Variants in CASP9 observed in about 807,000 individuals in gnomAD.
CASP9 encodes caspase-9.
In CASP9, 29 loss-of-function variants were observed where a neutral mutation model predicts 43.5. That is an observed-to-expected ratio of 0.67 (90% confidence interval 0.50 to 0.91). The LOEUF (loss-of-function observed/expected upper bound fraction) is 0.91, where lower values mean the gene tolerates loss of function less well. Among genes scored for constraint, CASP9 ranks in the 40% least tolerant of loss-of-function variants. The pLI, the probability that CASP9 is intolerant of heterozygous loss-of-function variation, is 0.00. For missense variants in CASP9, 575 were observed against 537.4 expected, an observed-to-expected ratio of 1.07 and a Z score of -0.69; for synonymous variants, 206 against 211.9, an observed-to-expected ratio of 0.97 and a Z score of 0.24.
intron 3 of CASP9, among the ~76,000 whole-genome samples, chr1:15,507,479 A>G (rs1709570188): frequency 1.3e-5 from 2 of 152,186 alleles, no homozygotes; most frequent in Non-Finnish European, 2.9e-5. Context: ...GATGGTACTT[A>G]TCACTATTTC....
chr1:15,521,609 C>A (rs1276107102), intron 1 of CASP9, among the ~76,000 whole-genome samples: 2 of 152,192 alleles, frequency 1.3e-5, no homozygotes, highest in African/African-American at 4.8e-5. Flanking sequence ...GGAAGGGCCC[C>A]CTGTCCTATG....
At chr1:15,518,081 C>T (rs768063493) in intron 2 of CASP9, 29 bp downstream of exon 2, 3 of 1,609,860 alleles carry the variant, frequency 1.9e-6, no homozygotes, top group East Asian at 2.2e-5. Flanking sequence ...GTGTCATGCC[C>T]ACCCACCAAT....
At chr1:15,524,592 C>CTGACCTCACGTCAT, upstream of CASP9, 3 of 993,128 alleles carry the variant, frequency 3.0e-6, no homozygotes, top group Non-Finnish European at 3.6e-6. Flanking sequence ...CCTCACGTCA[C>CTGACCTCACGTCAT]CGCCCCGCCC....
At position 15,492,821 on chromosome 1, in the gene CASP9, A is replaced by G; in HGVS notation, c.*122T>C. 7.4e-7 allele frequency: 1 copy of G among 1,360,406 alleles called. No individual in the cohort carries two copies. The highest frequency in any genetic ancestry group is 1.0e-6 in the Non-Finnish European group (1 of 999,332). The allele number at this position is 1,360,406 out of a possible 1,614,324, so 84.3% of individuals were successfully genotyped here. ...GCCTGTCTGTCACTGGCAGAGAAAG[A>G]GCAGACCCTGTGCCGGCTGCAAAGT... is the stretch of plus-strand genomic sequence containing the variant. On this transcript the variant is annotated 3_prime_UTR_variant, in exon 9 of 9. Coordinates refer to ENST00000333868, the MANE Select transcript of CASP9 (RefSeq NM_001229.5).
rs146711653 is a variant in CASP9, at chr1:15,494,396, G to A, written c.1049-395C>T. 6.1e-4 allele frequency among the ~76,000 whole-genome samples: 93 copies of A among 151,934 alleles called. No individual in the cohort carries two copies. In the East Asian group the frequency reaches 0.017, roughly 28 times the overall value. Reference sequence around the variant, plus strand: ...CCTGGCCAACATGGTGAAACCCTGTGTCTACTAAAAATACAAAAATTAGCT... The same window carrying A: ...CCTGGCCAACATGGTGAAACCCTGTATCTACTAAAAATACAAAAATTAGCT... On this transcript the variant is annotated intron_variant, in intron 7 of 8. Transcript: ENST00000333868.
At chr1:15,523,956 G>C in intron 1 of CASP9, 113 bp downstream of exon 1, 1 of 735,782 alleles carries the variant, frequency 1.4e-6, no homozygotes, top group Non-Finnish European at 2.1e-6. Context: ...GGGATTCTTT[G>C]GCTCCGCTGA....
rs118162203 is a variant in CASP9 at position 15,494,903 on chromosome 1, C to T, written c.1048+370G>A. Among the ~76,000 whole-genome samples the T allele has an allele frequency of 5.2e-4, 78 of 150,346 alleles. 4 individuals carry two copies. The East Asian group carries it at 0.015, about 29-fold the overall frequency. On this transcript the variant is annotated intron_variant, in intron 7 of 8. Coordinates refer to ENST00000333868, the MANE Select transcript of CASP9 (RefSeq NM_001229.5). ...AAAAAAAAAGAAGGAAGGAAACTAC[C>T]GCTTGCTGCAACTACTACGTGCCCC...
intron 4 of CASP9, 107 bp downstream of exon 4, chr1:15,506,792 G>C: frequency 1.1e-6 from 1 of 934,092 alleles, no homozygotes; most frequent in South Asian, 1.6e-5. Context: ...TGGTCCTCCA[G>C]ATGTAAGGGC....
chr1:15,495,741 A>G (rs769277613), intron 6 of CASP9, among the ~76,000 whole-genome samples: 26 of 152,194 alleles, frequency 1.7e-4, no homozygotes, highest in Non-Finnish European at 3.5e-4. Context: ...TAGTTGTCTG[A>G]TAAAATTCAC....
At chr1:15,511,435 G>A (rs1012797946) in intron 2 of CASP9, among the ~76,000 whole-genome samples, 17 of 146,866 alleles carry the variant, frequency 1.2e-4, no homozygotes, top group African/African-American at 4.3e-4. Flanking sequence ...ACAGAGTCCC[G>A]CTCTGTCGCC....
At chr1:15,521,554 C>T (rs931097562) in intron 1 of CASP9, among the ~76,000 whole-genome samples, 1 of 152,228 alleles carries the variant, frequency 6.6e-6, no homozygotes, top group East Asian at 1.9e-4. Context: ...TAGAAGAAAA[C>T]GCTGACATAT....
At chr1:15,494,592 G>A (rs1372252640) in intron 7 of CASP9, among the ~76,000 whole-genome samples, 7 of 149,750 alleles carry the variant, frequency 4.7e-5, no homozygotes, top group East Asian at 2.0e-4. Flanking sequence ...GGCTGGGCGC[G>A]GTGGCTCACG....
chr1:15,493,065 G>A, intron 8 of CASP9, 30 bp from the exon 9 acceptor site: 1 of 1,613,310 alleles, frequency 6.2e-7, no homozygotes, highest in Admixed American at 1.7e-5. Context: ...AGAGCTCTGT[G>A]AGTTCAGTTC....
intron 6 of CASP9, among the ~76,000 whole-genome samples, chr1:15,504,326 T>C (rs1002689171): frequency 2.6e-5 from 4 of 152,260 alleles, no homozygotes; most frequent in Non-Finnish European, 5.9e-5. Flanking sequence ...TTCTCCTCTC[T>C]CTTCTGCTTT....
At chr1:15,498,655 G>T (rs1709203664) in intron 6 of CASP9, among the ~76,000 whole-genome samples, 1 of 151,208 alleles carries the variant, frequency 6.6e-6, no homozygotes, top group South Asian at 2.1e-4. Context: ...GAAGAAATGT[G>T]TCTGGAGTCT....
intron 2 of CASP9, among the ~76,000 whole-genome samples, chr1:15,511,714 C>T (rs1336892937): frequency 6.6e-6 from 1 of 152,298 alleles, no homozygotes; most frequent in South Asian, 2.1e-4. Flanking sequence ...TACCTAGATA[C>T]CTTTATCAAT....
At chr1:15,517,980 A>G (rs878953711) in intron 2 of CASP9, 130 bp downstream of exon 2, 1 of 1,107,332 alleles carries the variant, frequency 9.0e-7, no homozygotes, top group Non-Finnish European at 1.3e-6. Context: ...GAATTTTGCC[A>G]TCCCTATGAA....
chr1:15,507,209 CA>C, intron 3 of CASP9, 134 bp from the exon 4 acceptor site: 1 of 950,606 alleles, frequency 1.1e-6, no homozygotes, highest in Non-Finnish European at 1.6e-6. Flanking sequence ...CATTCCAGGG[CA>C]AAAGAGAAGC....
chr1:15,494,755 T>C (rs1570823439), intron 7 of CASP9, among the ~76,000 whole-genome samples: 1 of 144,696 alleles, frequency 6.9e-6, no homozygotes. Flanking sequence ...CCCAGCTACT[T>C]GGGAGGCTGA....
Sources: gnomAD v4.1 joint callset for allele counts (sites outside exome capture counted in the v4.1 genomes callset) on GRCh38, gnomAD v4.1.1 for gene constraint, MANE v1.5 for transcripts, NCBI Gene and HGNC (gene_info 2026-07-23, HGNC 2026-07-21) for gene names.